The following PGGT1B variants were observed in gnomAD, a reference collection of about 807,000 sequenced individuals.
The protein encoded by PGGT1B is protein geranylgeranyltransferase type I subunit beta, also known as geranylgeranyl transferase type-1 subunit beta.
Under a neutral mutation model 46.1 loss-of-function variants are expected in PGGT1B, and 30 were observed. The observed-to-expected ratio is 0.65, with a 90% CI of 0.49 to 0.88. The LOEUF is 0.88. Among genes scored for constraint, PGGT1B ranks in the 40% least tolerant of loss-of-function variants. PGGT1B has a pLI of 0.00. For missense variants in PGGT1B, 376 were observed against 455.9 expected, an observed-to-expected ratio of 0.82 and a Z score of 1.60; for synonymous variants, 170 against 160.0, an observed-to-expected ratio of 1.06 and a Z score of -0.47.
Position 115,204,749 on chromosome 5 carries a change from C to A in PGGT1B, c.*7653G>T, listed in dbSNP as rs373933107. The A allele has an allele frequency of 2.5e-4, 38 of 152,072 alleles. No homozygotes were observed. The highest frequency in any genetic ancestry group is 8.2e-4 in the African/African-American group (34 of 41,484). The allele number at this position is 152,072 out of a possible 1,614,324, so 9.4% of individuals were successfully genotyped here. A position where few individuals can be genotyped will look rare whatever the true frequency, so the allele number is the denominator to read the frequency against. ...GTCCAGGAAATTCTTTCTAGGAACACCATAAAAATAAATAAGTGAATAAAT... is the reference window on the plus strand; with the variant it reads ...GTCCAGGAAATTCTTTCTAGGAACAACATAAAAATAAATAAGTGAATAAAT... On this transcript the variant is annotated 3_prime_UTR_variant, in exon 9 of 9. Transcript: ENST00000419445.
intron 1 of PGGT1B, among the ~76,000 whole-genome samples, chr5:115,257,643 T>A (rs1580783555): frequency 6.6e-6 from 1 of 151,926 alleles, no homozygotes; most frequent in Non-Finnish European, 1.5e-5. Flanking sequence ...TTTATGAGAG[T>A]TGACTAGATT....
intron 6 of PGGT1B, among the ~76,000 whole-genome samples, chr5:115,223,114 TAA>T (rs970358115): frequency 4.5e-5 from 6 of 133,722 alleles, no homozygotes; most frequent in African/African-American, 1.4e-4. Context: ...ACTTAAAGTA[TAA>T]AAAAAAAAAA....
chr5:115,206,705 T>C lies in PGGT1B; in HGVS notation c.*5697A>G, dbSNP rs1756076123. On this transcript the variant is annotated 3_prime_UTR_variant, in exon 9 of 9. Coordinates refer to ENST00000419445, the MANE Select transcript of PGGT1B (RefSeq NM_005023.4). The stretch of plus-strand genomic sequence containing the variant: ...TTACAAAAATGTGGCTGTGAGATCC[T>C]TGAAAATGTATCATTGCCTATTTGC... The C allele has an allele frequency of 6.6e-6, 1 of 152,100 alleles. No homozygotes were observed. The highest frequency in any genetic ancestry group is 2.4e-5 in the African/African-American group (1 of 41,452). The allele number at this position is 152,100 out of a possible 1,614,324, so 9.4% of individuals were successfully genotyped here. A position where few individuals can be genotyped will look rare whatever the true frequency, so the allele number is the denominator to read the frequency against.
At chr5:115,258,828 A>C (rs1748432197) in intron 1 of PGGT1B, among the ~76,000 whole-genome samples, 1 of 152,228 alleles carries the variant, frequency 6.6e-6, no homozygotes, top group Non-Finnish European at 1.5e-5. Context: ...GGCACTTGTC[A>C]GAAATGCAGC....
chr5:115,236,592 A>C, intron 4 of PGGT1B, 70 bp from the exon 5 acceptor site: 1 of 955,748 alleles, frequency 1.0e-6, no homozygotes. Flanking sequence ...GGGGGTTAGA[A>C]ACACCTCCTG....
At chr5:115,251,096 AC>A (rs796171315) in intron 2 of PGGT1B, among the ~76,000 whole-genome samples, 8 of 152,270 alleles carry the variant, frequency 5.3e-5, no homozygotes, top group African/African-American at 1.9e-4. Flanking sequence ...CTTTTGGGGA[AC>A]ATGTTTTAAT....
intron 1 of PGGT1B, among the ~76,000 whole-genome samples, chr5:115,254,482 C>G (rs1748231056): frequency 6.6e-6 from 1 of 151,974 alleles, no homozygotes; most frequent in Non-Finnish European, 1.5e-5. Flanking sequence ...GAATTTTTCA[C>G]TTGTGGCTTC....
intron 8 of PGGT1B, among the ~76,000 whole-genome samples, chr5:115,216,324 G>C (rs1034473860): frequency 6.6e-6 from 1 of 152,032 alleles, no homozygotes; most frequent in Non-Finnish European, 1.5e-5. Context: ...ATTTTTAGTA[G>C]AGTCGGGGTT....
chr5:115,236,892 G>A (rs1757200849), intron 4 of PGGT1B, among the ~76,000 whole-genome samples: 1 of 151,894 alleles, frequency 6.6e-6, no homozygotes, highest in Non-Finnish European at 1.5e-5. Flanking sequence ...AGACCTACTG[G>A]GTATACGAAA....
At chr5:115,255,096 AT>A (rs1304992100) in intron 1 of PGGT1B, among the ~76,000 whole-genome samples, 1 of 152,160 alleles carries the variant, frequency 6.6e-6, no homozygotes, top group African/African-American at 2.4e-5. Context: ...ACTATACCTT[AT>A]ACAGTAATTG....
At chr5:115,224,706 C>CA (rs1487986428) in intron 6 of PGGT1B, among the ~76,000 whole-genome samples, 1 of 151,348 alleles carries the variant, frequency 6.6e-6, no homozygotes, top group East Asian at 1.9e-4. Flanking sequence ...CCTGTCTCTA[C>CA]AAAAAAATAT....
intron 8 of PGGT1B, among the ~76,000 whole-genome samples, chr5:115,212,990 G>A (rs1169689361): frequency 2.0e-5 from 3 of 151,812 alleles, no homozygotes; most frequent in South Asian, 2.1e-4. Context: ...TCTTTAAAAC[G>A]AAAACAAAAC....
chr5:115,252,065 T>C (rs1748125517), intron 2 of PGGT1B, among the ~76,000 whole-genome samples: 1 of 152,024 alleles, frequency 6.6e-6, no homozygotes, highest in African/African-American at 2.4e-5. Flanking sequence ...TCTCTACAGG[T>C]TTAGAAGAAT....
chr5:115,261,081 A>G (rs1456157200), intron 1 of PGGT1B, among the ~76,000 whole-genome samples: 2 of 152,248 alleles, frequency 1.3e-5, no homozygotes, highest in Non-Finnish European at 2.9e-5. Context: ...CACATTATGT[A>G]TCAATAACAA....
Position 115,233,658 on chromosome 5 carries a change from T to C in PGGT1B, c.613-2637A>G, listed in dbSNP as rs553196349. ...TTGTATGGCCCTCGAGTTAAGAAAA[T>C]GGTCAATTACACTCATAATAAAAGA... On this transcript the variant is annotated intron_variant, in intron 5 of 8. Coordinates refer to ENST00000419445, the MANE Select transcript of PGGT1B (RefSeq NM_005023.4). 2.0e-5 allele frequency among the ~76,000 whole-genome samples: 3 copies of C among 149,382 alleles called. No homozygotes were observed. The South Asian group carries it at 6.3e-4, about 31-fold the overall frequency.
chr5:115,235,111 T>C (rs887879589), intron 5 of PGGT1B, among the ~76,000 whole-genome samples: 1 of 151,694 alleles, frequency 6.6e-6, no homozygotes, highest in Non-Finnish European at 1.5e-5. Flanking sequence ...AGCAAGGAGG[T>C]CTTCAAAGAA....
chr5:115,226,958 A>G (rs1053902980), intron 6 of PGGT1B, among the ~76,000 whole-genome samples: 6 of 152,008 alleles, frequency 3.9e-5, no homozygotes, highest in African/African-American at 1.2e-4. Context: ...AGCAAGTGGA[A>G]AGGAAGCATT....
At chr5:115,232,653 T>A (rs761450494) in intron 5 of PGGT1B, among the ~76,000 whole-genome samples, 1 of 152,044 alleles carries the variant, frequency 6.6e-6, no homozygotes, top group Admixed American at 6.6e-5. Context: ...AAAACAATCA[T>A]AATTTTTCCC....
intron 6 of PGGT1B, among the ~76,000 whole-genome samples, chr5:115,226,555 A>T (rs927165290): frequency 3.6e-5 from 4 of 110,618 alleles, no homozygotes; most frequent in South Asian, 2.6e-4. Context: ...TATATATATA[A>T]AATAATATTT....
Sources: gnomAD v4.1 joint callset for allele counts (sites outside exome capture counted in the v4.1 genomes callset) on GRCh38, gnomAD v4.1.1 for gene constraint, MANE v1.5 for transcripts, NCBI Gene and HGNC (gene_info 2026-07-23, HGNC 2026-07-21) for gene names.